The following DPYD variants were observed in gnomAD, a reference collection of about 807,000 sequenced individuals.
The protein encoded by DPYD is dihydropyrimidine dehydrogenase [NADP(+)].
DPYD carries 109 observed loss-of-function variants against 116.2 expected under a neutral mutation model. The observed-to-expected ratio is 0.94, with a 90% CI of 0.80 to 1.10. The LOEUF (loss-of-function observed/expected upper bound fraction) is 1.10. DPYD is among the 50% of genes least tolerant of loss of function. The pLI, the probability that DPYD is intolerant of heterozygous loss-of-function variation, is 0.00. For missense variants in DPYD, 1,302 were observed against 1,254.5 expected, an observed-to-expected ratio of 1.04 and a Z score of -0.57; for synonymous variants, 440 against 432.0, an observed-to-expected ratio of 1.02 and a Z score of -0.23.
chr1:97,305,465 G>A (rs2101037693), intron 17 of DPYD, 87 bp from the exon 18 acceptor site: 3 of 1,557,224 alleles, frequency 1.9e-6, no homozygotes, highest in Non-Finnish European at 2.6e-6. Flanking sequence ...CCAGAAAAAT[G>A]CATTCTATTT....
chr1:97,313,594 A>G (rs1326735837), intron 16 of DPYD, among the ~76,000 whole-genome samples: 1 of 151,588 alleles, frequency 6.6e-6, no homozygotes, highest in Non-Finnish European at 1.5e-5. Context: ...CCAAGCACAT[A>G]GCCTTCTCTA....
intron 3 of DPYD, among the ~76,000 whole-genome samples, chr1:97,740,852 A>C (rs528109432): frequency 6.6e-6 from 1 of 152,250 alleles, no homozygotes; most frequent in East Asian, 1.9e-4. Flanking sequence ...TTTTAGACCA[A>C]AATTATTAAA....
At chr1:97,595,314 A>G (rs928143869) in intron 8 of DPYD, 148 bp from the exon 9 acceptor site, 1 of 635,452 alleles carries the variant, frequency 1.6e-6, no homozygotes, top group Admixed American at 2.7e-5. Context: ...AATGTACATA[A>G]TACAGTCTAA....
At chr1:97,556,322 TC>T (rs1651701764) in intron 11 of DPYD, among the ~76,000 whole-genome samples, 1 of 142,400 alleles carries the variant, frequency 7.0e-6, no homozygotes, top group Non-Finnish European at 1.5e-5. Flanking sequence ...TTTTTTCTAT[TC>T]CCTTTTTTTT....
At chr1:97,228,637 G>A (rs1162673974) in intron 19 of DPYD, among the ~76,000 whole-genome samples, 3 of 152,116 alleles carry the variant, frequency 2.0e-5, no homozygotes, top group African/African-American at 4.8e-5. Context: ...ATACTCTAGT[G>A]TATCAGCACC....
intron 14 of DPYD, among the ~76,000 whole-genome samples, chr1:97,392,092 A>G (rs1672738856): frequency 6.6e-6 from 1 of 152,078 alleles, no homozygotes; most frequent in Non-Finnish European, 1.5e-5. Context: ...GAAATCACCC[A>G]TGGACATTTA....
chr1:97,215,521 C>T (rs1660320713), intron 19 of DPYD, among the ~76,000 whole-genome samples: 1 of 152,046 alleles, frequency 6.6e-6, no homozygotes, highest in Non-Finnish European at 1.5e-5. Flanking sequence ...GATTCTCTAC[C>T]TCCCAGGCTA....
chr1:97,717,572 G>T (rs995969262), intron 5 of DPYD, among the ~76,000 whole-genome samples: 6 of 151,958 alleles, frequency 3.9e-5, no homozygotes, highest in Non-Finnish European at 1.5e-5. Context: ...CCAATGGGTT[G>T]TCTCATCCCT....
At chr1:97,307,010 T>C (rs768243318) in intron 16 of DPYD, among the ~76,000 whole-genome samples, 8 of 151,900 alleles carry the variant, frequency 5.3e-5, no homozygotes, top group Non-Finnish European at 1.2e-4. Flanking sequence ...GACATTTCCA[T>C]GTGCCTATTT....
At chr1:97,632,276 T>C (rs1169668042) in intron 8 of DPYD, among the ~76,000 whole-genome samples, 1 of 152,146 alleles carries the variant, frequency 6.6e-6, no homozygotes, top group Non-Finnish European at 1.5e-5. Context: ...GCACATGCTA[T>C]ACATCAAAGA....
At chr1:97,203,793 C>CAAAAAAAAAAA (rs56819543) in intron 19 of DPYD, among the ~76,000 whole-genome samples, 11 of 65,712 alleles carry the variant, frequency 1.7e-4, no homozygotes, top group Non-Finnish European at 2.6e-4. Context: ...ATTCACATTC[C>CAAAAAAAAAAA]AAAAAAAAAA....
chr1:97,739,278 A>G (rs1664133435), intron 4 of DPYD, among the ~76,000 whole-genome samples: 1 of 152,094 alleles, frequency 6.6e-6, no homozygotes, highest in Non-Finnish European at 1.5e-5. Context: ...TATATTAGAC[A>G]TTTTCACATA....
At chr1:97,178,469 G>A (rs1357766171) in intron 20 of DPYD, among the ~76,000 whole-genome samples, 2 of 152,132 alleles carry the variant, frequency 1.3e-5, no homozygotes, top group African/African-American at 4.8e-5. Context: ...GGCAAGAGAT[G>A]AGTGAAGAGG....
chr1:97,576,179 T>C (rs766163845), intron 10 of DPYD, among the ~76,000 whole-genome samples: 1 of 152,202 alleles, frequency 6.6e-6, no homozygotes, highest in Non-Finnish European at 1.5e-5. Flanking sequence ...GTGCCACATA[T>C]CACCTTATAA....
intron 21 of DPYD, among the ~76,000 whole-genome samples, chr1:97,093,318 T>G (rs1650016932): frequency 1.3e-5 from 2 of 152,156 alleles, no homozygotes; most frequent in Non-Finnish European, 2.9e-5. Context: ...AAAGATTTCC[T>G]GAAAAATACA....
chr1:97,399,198 T>C (rs1016885853), intron 14 of DPYD, among the ~76,000 whole-genome samples: 3 of 152,200 alleles, frequency 2.0e-5, no homozygotes, highest in African/African-American at 4.8e-5. Flanking sequence ...ATGTATTAAA[T>C]AGGGAATCCT....
intron 15 of DPYD, among the ~76,000 whole-genome samples, chr1:97,378,725 G>T (rs1160653624): frequency 6.6e-6 from 1 of 152,140 alleles, no homozygotes; most frequent in Non-Finnish European, 1.5e-5. Flanking sequence ...ATATCTGCTG[G>T]TAAAGAAAGC....
rs1057189931 is a variant in DPYD at position 97,792,405 on chromosome 1, C to A, written c.233+35709G>T. 2.0e-5 allele frequency among the ~76,000 whole-genome samples: 3 copies of A among 152,110 alleles called. No individual in the cohort carries two copies. The South Asian group carries it at 6.2e-4, about 32-fold the overall frequency. On this transcript the variant is annotated intron_variant, in intron 3 of 22. Coordinates refer to ENST00000370192, the MANE Select transcript of DPYD (RefSeq NM_000110.4). ...TCTCTCTGCTTCCAGGCAGCCAACA[C>A]ACCCAGCTAATTTTTATATTTTTTA...
intron 16 of DPYD, among the ~76,000 whole-genome samples, chr1:97,365,072 C>G (rs762906280): frequency 6.6e-6 from 1 of 152,114 alleles, no homozygotes; most frequent in Non-Finnish European, 1.5e-5. Context: ...TATTCCTTAT[C>G]TTCTCTCTTG....
Sources: allele counts gnomAD v4.1 joint callset (sites outside exome capture counted in the v4.1 genomes callset), GRCh38; gene constraint gnomAD v4.1.1; transcripts MANE v1.5; gene names NCBI Gene and HGNC (gene_info 2026-07-23, HGNC 2026-07-21).